The following SORCS2 variants were observed in gnomAD, a reference collection of about 807,000 sequenced individuals.
The protein encoded by SORCS2 is sortilin related VPS10 domain containing receptor 2.
Under a neutral mutation model 141.6 loss-of-function variants are expected in SORCS2, and 100 were observed. That is an observed-to-expected ratio of 0.71 (90% confidence interval 0.60 to 0.83). The LOEUF (loss-of-function observed/expected upper bound fraction) is 0.83. Ranked by LOEUF, SORCS2 falls within the 40% of genes least tolerant of loss-of-function variation. SORCS2 has a pLI of 0.00. For missense variants in SORCS2, 1,646 were observed against 1,560.2 expected (o/e 1.05, Z -0.93); for synonymous variants, 789 against 676.9 (o/e 1.17, Z -2.57).
intron 3 of SORCS2, among the ~76,000 whole-genome samples, chr4:7,564,152 A>G (rs1312050083): frequency 6.6e-6 from 1 of 152,204 alleles, no homozygotes; most frequent in Non-Finnish European, 1.5e-5. Flanking sequence ...CTTGTGGGCC[A>G]TGAGGCTGCA....
At chr4:7,656,000 A>C (rs1308815424) in intron 5 of SORCS2, among the ~76,000 whole-genome samples, 1 of 152,216 alleles carries the variant, frequency 6.6e-6, no homozygotes, top group Non-Finnish European at 1.5e-5. Flanking sequence ...CACAGCAGAC[A>C]CTGACCACCA....
rs967239164 is a variant in SORCS2 at position 7,587,650 on chromosome 4, C to T, written c.649-50678C>T. Among the ~76,000 whole-genome samples the T allele has an allele frequency of 3.3e-5, 5 of 152,246 alleles. No homozygotes were observed. The East Asian group carries it at 7.7e-4, about 23-fold the overall frequency. On this transcript the variant is annotated intron_variant, in intron 3 of 26. Transcript: ENST00000507866. The stretch of plus-strand genomic sequence containing the variant: ...CTCTAGTCCCCAACTCTGGCACCCA[C>T]AGCAGCGTCTTCGCCTCCCAGGGGA...
chr4:7,704,610 A>G lies in SORCS2; in HGVS notation c.1868+326A>G, dbSNP rs968478274. ...CAGAGCTGGCTGTGACCCTCTCGTCACCCATCCCGGGGTCTGAGGCTGCAG... is the reference window on the plus strand; with the variant it reads ...CAGAGCTGGCTGTGACCCTCTCGTCGCCCATCCCGGGGTCTGAGGCTGCAG... On this transcript the variant is annotated intron_variant, in intron 14 of 26. Transcript: ENST00000507866. Among the ~76,000 whole-genome samples, 4 of 152,154 alleles carry G rather than the reference A, an allele frequency of 2.6e-5. No homozygotes were observed. The East Asian group carries it at 7.7e-4, about 29-fold the overall frequency.
chr4:7,647,453 G>A (rs1221211008), intron 4 of SORCS2, among the ~76,000 whole-genome samples: 2 of 152,162 alleles, frequency 1.3e-5, no homozygotes, highest in Non-Finnish European at 2.9e-5. Context: ...CGTCACGGGT[G>A]GAGCCTTCAT....
chr4:7,583,865 T>C (rs566575576), intron 3 of SORCS2, among the ~76,000 whole-genome samples: 2 of 152,368 alleles, frequency 1.3e-5, no homozygotes, highest in South Asian at 4.1e-4. Context: ...TTCAGTTTTA[T>C]TCCCAGCTTC....
intron 1 of SORCS2, among the ~76,000 whole-genome samples, chr4:7,260,195 G>T (rs533096989): frequency 1.3e-5 from 2 of 152,360 alleles, no homozygotes; most frequent in South Asian, 2.1e-4. Flanking sequence ...GGCATCCAAA[G>T]AATGGGTAGG....
In SORCS2 at chr4:7,230,440, A is replaced by C. The variant is rs1255439752; in HGVS notation, c.480+37314A>C. Among the ~76,000 whole-genome samples the C allele has an allele frequency of 2.1e-5, 3 of 140,532 alleles. 1 individual carries two copies. The highest frequency in any genetic ancestry group is 4.6e-5 in the Non-Finnish European group (3 of 65,166). The allele number at this position is 140,532 out of a possible 152,430, so 92.2% of individuals were successfully genotyped here. ...CTGAAGCAGTGTCATTTGCTCATGCATGAAGGAGATGAAGATGGTCAAGTC... is the reference window on the plus strand; with the variant it reads ...CTGAAGCAGTGTCATTTGCTCATGCCTGAAGGAGATGAAGATGGTCAAGTC... On this transcript the variant is annotated intron_variant, in intron 1 of 26. Coordinates refer to ENST00000507866, the MANE Select transcript of SORCS2 (RefSeq NM_020777.3).
At chr4:7,381,138 C>G (rs565942357) in intron 1 of SORCS2, among the ~76,000 whole-genome samples, 1 of 151,518 alleles carries the variant, frequency 6.6e-6, no homozygotes, top group Non-Finnish European at 1.5e-5. Flanking sequence ...ATGATGTATC[C>G]TCCTGGTGGG....
intron 1 of SORCS2, among the ~76,000 whole-genome samples, chr4:7,361,149 G>A (rs147300536): frequency 1.1e-3 from 169 of 152,230 alleles, no homozygotes; most frequent in African/African-American, 3.8e-3. Context: ...CAGTAGCTTC[G>A]TTATTTAGTG....
chr4:7,435,180 G>C (rs1007522231), intron 2 of SORCS2, among the ~76,000 whole-genome samples: 13 of 152,110 alleles, frequency 8.5e-5, no homozygotes, highest in Non-Finnish European at 1.5e-4. Context: ...CCCCTGGGCT[G>C]TGTCCCCCAC....
intron 1 of SORCS2, among the ~76,000 whole-genome samples, chr4:7,241,461 G>C (rs938842118): frequency 6.6e-6 from 1 of 152,164 alleles, no homozygotes; most frequent in Non-Finnish European, 1.5e-5. Context: ...GACGTGGAAT[G>C]AGGGTCCAGC....
chr4:7,481,780 G>A (rs1577636329), intron 2 of SORCS2, among the ~76,000 whole-genome samples: 1 of 152,116 alleles, frequency 6.6e-6, no homozygotes, highest in East Asian at 1.9e-4. Flanking sequence ...GGGAAATGCT[G>A]GATGCTGCCA....
At chr4:7,546,075 C>T (rs755800589) in intron 3 of SORCS2, among the ~76,000 whole-genome samples, 5 of 152,326 alleles carry the variant, frequency 3.3e-5, no homozygotes, top group African/African-American at 4.8e-5. Context: ...TGACCTAATT[C>T]CTCCCAAAGG....
intron 18 of SORCS2, 64 bp downstream of exon 18, chr4:7,718,247 G>C (rs961121545): frequency 1.9e-6 from 3 of 1,554,690 alleles, no homozygotes; most frequent in Non-Finnish European, 2.6e-6. Flanking sequence ...AACTGGGCAC[G>C]CAGAAGGCAC....
chr4:7,379,396 C>A (rs1318915689), intron 1 of SORCS2, among the ~76,000 whole-genome samples: 3 of 152,168 alleles, frequency 2.0e-5, no homozygotes, highest in Non-Finnish European at 2.9e-5. Context: ...TGGGTGGAAG[C>A]ACGAGAGGCG....
intron 9 of SORCS2, among the ~76,000 whole-genome samples, chr4:7,678,249 A>G (rs1577065867): frequency 6.7e-6 from 1 of 149,636 alleles, no homozygotes; most frequent in East Asian, 2.0e-4. Flanking sequence ...CCAGGTGAGG[A>G]AGGAACTCAG....
chr4:7,258,274 T>G (rs1314291821), intron 1 of SORCS2, among the ~76,000 whole-genome samples: 1 of 152,192 alleles, frequency 6.6e-6, no homozygotes, highest in Non-Finnish European at 1.5e-5. Context: ...CATCAGGTGT[T>G]TCTCCTAGTG....
chr4:7,607,062 C>A (rs1234264770), intron 3 of SORCS2, among the ~76,000 whole-genome samples: 1 of 152,184 alleles, frequency 6.6e-6, no homozygotes, highest in Non-Finnish European at 1.5e-5. Flanking sequence ...AAGCCCCCGT[C>A]AATTTTTCTG....
intron 3 of SORCS2, among the ~76,000 whole-genome samples, chr4:7,629,191 A>G (rs1048471271): frequency 6.6e-6 from 1 of 152,240 alleles, no homozygotes; most frequent in African/African-American, 2.4e-5. Flanking sequence ...ATACACATAC[A>G]TATATCAAAA....
Sources: gnomAD v4.1 joint callset for allele counts (sites outside exome capture counted in the v4.1 genomes callset) on GRCh38, gnomAD v4.1.1 for gene constraint, MANE v1.5 for transcripts, NCBI Gene and HGNC (gene_info 2026-07-23, HGNC 2026-07-21) for gene names.